Variants in PARD3 observed in about 807,000 individuals in gnomAD.
The protein encoded by PARD3 is partitioning defective 3 homolog.
Under a neutral mutation model 155.4 loss-of-function variants are expected in PARD3, and 75 were observed. The observed-to-expected ratio is 0.48, with a 90% CI of 0.40 to 0.58. PARD3 has a LOEUF of 0.58. PARD3 is among the 20% of genes least tolerant of loss of function. The pLI, the probability that PARD3 is intolerant of heterozygous loss-of-function variation, is 0.00. For missense variants in PARD3, 1,642 were observed against 1,721.7 expected, an observed-to-expected ratio of 0.95 and a Z score of 0.82; for synonymous variants, 576 against 610.5, an observed-to-expected ratio of 0.94 and a Z score of 0.83.
At chr10:34,686,874 C>A (rs2093961264) in intron 2 of PARD3, among the ~76,000 whole-genome samples, 1 of 151,716 alleles carries the variant, frequency 6.6e-6, no homozygotes, top group Admixed American at 6.6e-5. Flanking sequence ...CATGGTGAAA[C>A]CCTGTCTCTA....
intron 2 of PARD3, among the ~76,000 whole-genome samples, chr10:34,625,006 C>G (rs2091908886): frequency 6.6e-6 from 1 of 152,182 alleles, no homozygotes; most frequent in African/African-American, 2.4e-5. Flanking sequence ...AAGGTGACCT[C>G]TCACGGAGCC....
intron 3 of PARD3, among the ~76,000 whole-genome samples, chr10:34,514,662 GCTTCAAATGTAA>G (rs1266976115): frequency 1.3e-5 from 2 of 152,130 alleles, no homozygotes; most frequent in Non-Finnish European, 2.9e-5. Context: ...CAACACATAT[GCTTCAAATGTAA>G]CTTCTTTTTC....
chr10:34,420,781 A>G (rs1846110608), intron 5 of PARD3, among the ~76,000 whole-genome samples: 1 of 152,232 alleles, frequency 6.6e-6, no homozygotes, highest in Non-Finnish European at 1.5e-5. Context: ...TAAGCATTAA[A>G]TCCCACAGTT....
chr10:34,573,734 A>C (rs201791370), intron 2 of PARD3, among the ~76,000 whole-genome samples: 1,926 of 10,528 alleles, frequency 0.18, 16 homozygotes, highest in Middle Eastern at 0.33. Flanking sequence ...CAAACAAACA[A>C]AAACACACAC....
intron 22 of PARD3, among the ~76,000 whole-genome samples, chr10:34,220,267 G>T (rs1018018832): frequency 6.6e-6 from 1 of 152,096 alleles, no homozygotes; most frequent in Non-Finnish European, 1.5e-5. Context: ...CCACAGAGAC[G>T]ATAGGGAGTG....
At chr10:34,489,960 G>A (rs1342945771) in intron 3 of PARD3, among the ~76,000 whole-genome samples, 3 of 152,118 alleles carry the variant, frequency 2.0e-5, no homozygotes, top group Non-Finnish European at 4.4e-5. Context: ...ACAATAATTA[G>A]TGGAGATAAA....
chr10:34,434,964 AAATT>A (rs1205185640), intron 5 of PARD3, among the ~76,000 whole-genome samples: 2 of 152,316 alleles, frequency 1.3e-5, no homozygotes, highest in Admixed American at 6.5e-5. Flanking sequence ...ATCAAGCATA[AAATT>A]AATTTAATTA....
intron 16 of PARD3, among the ~76,000 whole-genome samples, chr10:34,339,636 T>C (rs1836583520): frequency 6.6e-6 from 1 of 152,220 alleles, no homozygotes; most frequent in African/African-American, 2.4e-5. Context: ...AATTGATTAA[T>C]GGATTGAAAA....
intron 19 of PARD3, among the ~76,000 whole-genome samples, chr10:34,330,191 T>A (rs187081588): frequency 6.6e-6 from 1 of 152,294 alleles, no homozygotes; most frequent in East Asian, 1.9e-4. Context: ...CAATATAAGA[T>A]AATCAACAAT....
chr10:34,569,418 T>C (rs924819998), intron 2 of PARD3, among the ~76,000 whole-genome samples: 4 of 152,020 alleles, frequency 2.6e-5, no homozygotes, highest in African/African-American at 9.7e-5. Context: ...CACGTGACTA[T>C]ATATATATAT....
At chr10:34,345,977 T>C in intron 15 of PARD3, 1 of 984,456 alleles carries the variant, frequency 1.0e-6, no homozygotes, top group South Asian at 4.7e-5. Flanking sequence ...CGTTACAAAT[T>C]GTAAAAATTA....
intron 20 of PARD3, among the ~76,000 whole-genome samples, chr10:34,303,182 T>TTTTTTTTTTTTG (rs1491562623): frequency 8.1e-6 from 1 of 123,736 alleles, no homozygotes; most frequent in African/African-American, 3.1e-5. Context: ...TTTTTTTTTT[T>TTTTTTTTTTTTG]GTGCAAGGCA....
At chr10:34,361,284 C>T (rs1488063302) in intron 12 of PARD3, among the ~76,000 whole-genome samples, 2 of 152,246 alleles carry the variant, frequency 1.3e-5, no homozygotes, top group South Asian at 4.1e-4. Context: ...TCTAGTCCTA[C>T]AACCTATTTC....
chr10:34,709,006 ACACACGTACACATATATGTACATGTG>A (rs2094410424), intron 1 of PARD3, among the ~76,000 whole-genome samples: 2 of 152,282 alleles, frequency 1.3e-5, no homozygotes, highest in Admixed American at 6.5e-5. Flanking sequence ...GCAAAAAAAT[ACACACGTACACATATATGTACATGTG>A]CACATGTACA....
intron 1 of PARD3, among the ~76,000 whole-genome samples, chr10:34,785,775 G>C (rs1348849726): frequency 6.6e-6 from 1 of 152,174 alleles, no homozygotes; most frequent in Non-Finnish European, 1.5e-5. Context: ...CGTGTGGACA[G>C]AGAGAAATTT....
intron 2 of PARD3, among the ~76,000 whole-genome samples, chr10:34,555,750 C>A (rs901467499): frequency 1.3e-5 from 2 of 152,072 alleles, no homozygotes; most frequent in Admixed American, 6.6e-5. Flanking sequence ...AATACCATCA[C>A]CCGCCCACAC....
intron 23 of PARD3, among the ~76,000 whole-genome samples, chr10:34,120,183 ATT>A (rs57670906): frequency 1.5e-3 from 173 of 113,656 alleles, no homozygotes; most frequent in East Asian, 4.8e-3. Flanking sequence ...TGCCTGGCTA[ATT>A]TTTTTTTTTT....
chr10:34,145,213 A>ATTTTT (rs1564429829), intron 22 of PARD3, among the ~76,000 whole-genome samples: 25 of 64,020 alleles, frequency 3.9e-4, no homozygotes, highest in East Asian at 1.0e-3. Context: ...ATATATATAT[A>ATTTTT]TATATATATT....
intron 6 of PARD3, 33 bp from the exon 7 acceptor site, chr10:34,399,446 C>T (rs751804396): frequency 7.8e-6 from 11 of 1,417,876 alleles, no homozygotes; most frequent in South Asian, 1.1e-5. Flanking sequence ...GGAGCATGAA[C>T]GTGTACTGTA....
Sources: allele counts gnomAD v4.1 joint callset (sites outside exome capture counted in the v4.1 genomes callset), GRCh38; gene constraint gnomAD v4.1.1; transcripts MANE v1.5; gene names NCBI Gene and HGNC (gene_info 2026-07-23, HGNC 2026-07-21).